The following PTPRS variants were observed in gnomAD, a reference collection of about 807,000 sequenced individuals.
The protein encoded by PTPRS is protein tyrosine phosphatase receptor type S.
In PTPRS, 63 loss-of-function variants were observed where a neutral mutation model predicts 215.3. The ratio of observed to expected loss-of-function variants is 0.29; its 90% CI spans 0.24 to 0.36. The LOEUF (loss-of-function observed/expected upper bound fraction) is 0.36, where lower values mean the gene tolerates loss of function less well. PTPRS is among the 10% of genes least tolerant of loss of function. The pLI is 1.00. For synonymous variants in PTPRS, 1,404 were observed against 1,191.4 expected (o/e 1.18, Z -3.68); for missense variants, 2,258 against 2,825.8 (o/e 0.80, Z 4.56).
chr19:5,323,518 G>A (rs968583504), intron 1 of PTPRS, among the ~76,000 whole-genome samples: 1 of 152,252 alleles, frequency 6.6e-6, no homozygotes, highest in African/African-American at 2.4e-5. Flanking sequence ...GAGACGTGAA[G>A]GAAGTCAGGG....
rs1487593505 is a variant in PTPRS at position 5,244,404 on chromosome 19, T to G, written c.1067A>C (p.Asn356Thr). The G allele has an allele frequency of 6.2e-7, 1 of 1,614,204 alleles. No homozygotes were observed. Among genetic ancestry groups the G allele is most frequent in the Admixed American group, 1.7e-5 (1 of 60,024 alleles). ...GACGTAATAGGACACAGGATCTGGG[T>G]TGCCCGAGTCCCACGTGATGGTGAT... ...TSITITWDSG[N>T]PDPVSYYVIE... The change falls in exon 11 of 38, where the codon AAC becomes ACC. Residue 356 changes from asparagine to threonine, a missense_variant. By Grantham distance (65) the Asn-to-Thr change is moderately conservative. This residue lies in a region of PTPRS where 508 missense variants were observed against 799.4 expected (regional missense o/e 0.64). Coordinates refer to ENST00000262963, the MANE Select transcript of PTPRS (RefSeq NM_002850.4). The surrounding 1 kb of genome is among the most constrained non-coding windows in gnomAD (Gnocchi z 7.2).
rs775859391 is a variant in PTPRS, at chr19:5,244,056, A to C, written c.1415T>G (p.Val472Gly). 3.7e-6 allele frequency: 6 copies of C among 1,610,462 alleles called. No homozygotes were observed. The highest frequency in any genetic ancestry group is 5.1e-6 in the Non-Finnish European group (6 of 1,179,910). The change falls in exon 11 of 38, where the codon GTG (valine) becomes GGG (glycine). Residue 472 changes from valine to glycine, a missense_variant. This residue lies in a region of PTPRS where 508 missense variants were observed against 799.4 expected (regional missense o/e 0.64). Transcript: ENST00000262963. The surrounding 1 kb of genome is among the most constrained non-coding windows in gnomAD (Gnocchi z 7.2). ...VYYTMEPEHP[V>G]GNWQKHNVDD... ...CACGTTGTGCTTCTGCCAGTTGCCC[A>C]CGGGGTGCTCCGGTTCCATGGTGTA...
intron 1 of PTPRS, among the ~76,000 whole-genome samples, chr19:5,298,413 G>A (rs1380944654): frequency 6.6e-6 from 1 of 152,154 alleles, no homozygotes; most frequent in Non-Finnish European, 1.5e-5. Flanking sequence ...CAGCCTGTCT[G>A]TCCCACCTCC....
rs1860042 is a variant in PTPRS at position 5,306,396 on chromosome 19, C to T, written c.-94-20162G>A. 5.9e-5 allele frequency among the ~76,000 whole-genome samples: 9 copies of T among 151,994 alleles called. No individual in the cohort carries two copies. In the East Asian group the frequency reaches 1.4e-3, roughly 23 times the overall value. On this transcript the variant is annotated intron_variant, in intron 1 of 37. Coordinates refer to ENST00000262963, the MANE Select transcript of PTPRS (RefSeq NM_002850.4). The stretch of plus-strand genomic sequence containing the variant: ...CTGACCTCAAGTGATACGCTGGCCT[C>T]GGCCTCCCAAAGTGCTGGGATTACA...
intron 1 of PTPRS, among the ~76,000 whole-genome samples, chr19:5,340,402 GC>G (rs979769691): frequency 4.0e-5 from 6 of 149,444 alleles, no homozygotes; most frequent in Non-Finnish European, 7.5e-5. Flanking sequence ...CGCGGACGAA[GC>G]CCCCCCAGCA....
At chr19:5,329,596 T>C (rs1285848260) in intron 1 of PTPRS, among the ~76,000 whole-genome samples, 1 of 151,756 alleles carries the variant, frequency 6.6e-6, no homozygotes. Context: ...AAACTCTGTC[T>C]CTACTAAAAA....
At chr19:5,297,670 C>T (rs1436271164) in intron 1 of PTPRS, among the ~76,000 whole-genome samples, 5 of 152,122 alleles carry the variant, frequency 3.3e-5, no homozygotes, top group Admixed American at 2.0e-4. Flanking sequence ...TGCATTTACA[C>T]CTGGAGGAAG....
At chr19:5,219,534 T>G (rs1054460653) in intron 22 of PTPRS, 67 bp from the exon 23 acceptor site, 2 of 1,488,036 alleles carry the variant, frequency 1.3e-6, no homozygotes. Context: ...TGGGTCTTTC[T>G]CAAACATGAA....
intron 1 of PTPRS, among the ~76,000 whole-genome samples, chr19:5,300,572 A>G (rs751970335): frequency 1.3e-5 from 2 of 151,808 alleles, no homozygotes; most frequent in African/African-American, 2.4e-5. Flanking sequence ...GGTTTTTGAG[A>G]CCAGCCTGGG....
intron 1 of PTPRS, among the ~76,000 whole-genome samples, chr19:5,336,503 A>T (rs139510137): frequency 2.1e-3 from 321 of 152,092 alleles, no homozygotes; most frequent in Non-Finnish European, 3.1e-3. Flanking sequence ...ATCCCCTTCC[A>T]GCATCCCCTC....
chr19:5,231,253 G>A (rs2042986111), intron 14 of PTPRS, 57 bp downstream of exon 14: 27 of 1,516,616 alleles, frequency 1.8e-5, no homozygotes, highest in Non-Finnish European at 2.3e-5. Context: ...GGAAGGCTTC[G>A]AGGCGGGGGC....
At chr19:5,322,898 A>AAAG (rs34686027) in intron 1 of PTPRS, among the ~76,000 whole-genome samples, 9,312 of 118,934 alleles carry the variant, frequency 0.078, 742 homozygotes, top group Non-Finnish European at 0.12. Flanking sequence ...AAAAAAAAAA[A>AAAG]AAGAAGAAGA....
chr19:5,330,887 G>A (rs1047823114), intron 1 of PTPRS, among the ~76,000 whole-genome samples: 9 of 152,212 alleles, frequency 5.9e-5, no homozygotes, highest in East Asian at 1.9e-4. Flanking sequence ...CACTGTTGCC[G>A]GAAACCCCGG....
chr19:5,222,999 G>A lies in PTPRS; in HGVS notation c.2793C>T (p.His931=). The A allele has an allele frequency of 6.5e-7, 1 of 1,541,148 alleles. No individual in the cohort carries two copies. The highest frequency in any genetic ancestry group is 8.7e-7 in the Non-Finnish European group (1 of 1,146,450). Reference sequence around the variant, plus strand: ...TGCCGGCCGCCTCCAGAATCTGCGGGTGGCCACGGGGCGTGTCCTCCGGGA... The same window carrying A: ...TGCCGGCCGCCTCCAGAATCTGCGGATGGCCACGGGGCGTGTCCTCCGGGA... The part of the protein sequence containing the change: ...LSIPEDTPRG[H]PQILEAAGNA... The change falls in exon 18 of 38, where the codon CAC becomes CAT. Residue 931 remains histidine (H), a synonymous_variant. Transcript: ENST00000262963.
Position 5,290,813 on chromosome 19 carries a change from C to G in PTPRS, c.-94-4579G>C, listed in dbSNP as rs539925146. On this transcript the variant is annotated intron_variant, in intron 1 of 37. Coordinates refer to ENST00000262963, the MANE Select transcript of PTPRS (RefSeq NM_002850.4). The stretch of plus-strand genomic sequence containing the variant: ...TCTCTCCACCTTCACATCCACCCCC[C>G]ACCCACAGCTCTCCCGTGCCACCGC... Among the ~76,000 whole-genome samples the G allele has an allele frequency of 3.3e-5, 5 of 152,056 alleles. No homozygotes were observed. In the South Asian group the frequency reaches 1.0e-3, roughly 32 times the overall value.
At position 5,214,726 on chromosome 19, in the gene PTPRS, G is replaced by A. The variant is rs2145141187; in HGVS notation, c.4329C>T (p.Gly1443=). 1 of 1,599,180 alleles carries A rather than the reference G, an allele frequency of 6.3e-7. No homozygotes were observed. Residue 1443 remains glycine (G), a synonymous_variant, in exon 29 of 38, where the codon GGC becomes GGT. Coordinates refer to ENST00000262963, the MANE Select transcript of PTPRS (RefSeq NM_002850.4). ...CGTAGTTGGCATTGATGTAATCACTGCCCATGATGCCTGCAGCCAGGGCGA... is the reference window on the plus strand; with the variant it reads ...CGTAGTTGGCATTGATGTAATCACTACCCATGATGCCTGCAGCCAGGGCGA... ...VILQPIEGIM[G]SDYINANYVD...
chr19:5,238,800 G>T, intron 13 of PTPRS, 119 bp downstream of exon 13: 1 of 1,335,910 alleles, frequency 7.5e-7, no homozygotes, highest in South Asian at 1.6e-5. Flanking sequence ...GCGGAGACAG[G>T]CCGGGAGGCG....
rs919652628 is a variant in PTPRS, at chr19:5,237,949, G to A, written c.1849+970C>T. Among the ~76,000 whole-genome samples, 2 of 151,526 alleles carry A rather than the reference G, an allele frequency of 1.3e-5. No homozygotes were observed. Among genetic ancestry groups the A allele is most frequent in the South Asian group, 2.1e-4 (1 of 4,752 alleles). ...TTGATGTTAACCCTTCGACTGATCC[G>A]AGATGCCCCTGTGTACACACACCCA... On this transcript the variant is annotated intron_variant, in intron 13 of 37. Transcript: ENST00000262963. This position sits in a 1 kb window ranked among gnomAD's most constrained non-coding sequence, Gnocchi z 4.2.
intron 27 of PTPRS, 21 bp from the exon 28 acceptor site, chr19:5,215,433 G>A (rs200290734): frequency 3.3e-5 from 53 of 1,612,618 alleles, no homozygotes; most frequent in Admixed American, 6.7e-5. Flanking sequence ...AGGGGAGAGC[G>A]CGGGTGTCAG....
Sources: gnomAD v4.1 joint callset for allele counts (sites outside exome capture counted in the v4.1 genomes callset) on GRCh38, gnomAD v4.1.1 for gene constraint, gnomAD v4.1.1 regional missense constraint, Gnocchi (gnomAD v3.1) non-coding constraint, MANE v1.5 for transcripts, NCBI Gene and HGNC (gene_info 2026-07-23, HGNC 2026-07-21) for gene names.